Variants in CSNK1D observed in about 807,000 individuals in gnomAD.
CSNK1D encodes casein kinase 1 delta, also known as casein kinase I isoform delta.
CSNK1D carries 16 observed loss-of-function variants against 46.6 expected under a neutral mutation model. The ratio of observed to expected loss-of-function variants is 0.34; its 90% CI spans 0.23 to 0.52. CSNK1D has a LOEUF of 0.52. CSNK1D is among the 20% of genes least tolerant of loss of function. CSNK1D has a pLI of 0.95. For missense variants in CSNK1D, 398 were observed against 578.4 expected (o/e 0.69, Z 3.20); for synonymous variants, 276 against 228.2 (o/e 1.21, Z -1.89).
chr17:82,248,858 G>A lies in CSNK1D; in HGVS notation c.1197+17C>T, dbSNP rs759033962. The stretch of plus-strand genomic sequence containing the variant: ...GTAGCCCGAGGCCCAGCGCCCGCCC[G>A]GGAGCTCTGCACCTACCTGTGAGGT... On this transcript the variant is annotated intron_variant, in intron 8 of 8. Coordinates refer to ENST00000314028, the MANE Select transcript of CSNK1D (RefSeq NM_001893.6). This position sits in a 1 kb window ranked among gnomAD's most constrained non-coding sequence, Gnocchi z 4.1. The A allele has an allele frequency of 1.2e-5, 20 of 1,605,638 alleles. No individual in the cohort carries two copies. Among genetic ancestry groups the A allele is most frequent in the Admixed American group, 1.0e-4 (6 of 59,410 alleles).
Position 82,246,327 on chromosome 17 carries a change from C to A in CSNK1D, c.1198-1496G>T, listed in dbSNP as rs183135105. The A allele has an allele frequency of 3.3e-5, 44 of 1,325,014 alleles. No homozygotes were observed. In the Admixed American group the frequency reaches 6.2e-4, roughly 19 times the overall value. 82.1% of individuals were successfully genotyped at this position (1,325,014 alleles called of 1,614,324 possible). On this transcript the variant is annotated intron_variant, in intron 8 of 8. Transcript: ENST00000314028. ...AAGCACTAAGAAAACCTGATCCCAGCAGGATGGCAGGTGCTGGGCAGCCCC... is the reference window on the plus strand; with the variant it reads ...AAGCACTAAGAAAACCTGATCCCAGAAGGATGGCAGGTGCTGGGCAGCCCC...
Position 82,248,558 on chromosome 17 carries a change from G to A in CSNK1D, c.1197+317C>T, listed in dbSNP as rs953771742. On this transcript the variant is annotated intron_variant, in intron 8 of 8. Transcript: ENST00000314028. This position sits in a 1 kb window ranked among gnomAD's most constrained non-coding sequence, Gnocchi z 4.1. The stretch of plus-strand genomic sequence containing the variant: ...GGGCGCAAGCAGGCGAGCGGTGTCA[G>A]CTGCCTGGGGACGGCTGCGGGCAGC... The A allele has an allele frequency of 8.3e-7, 1 of 1,209,182 alleles. No individual in the cohort carries two copies. Among genetic ancestry groups the A allele is most frequent in the Non-Finnish European group, 1.0e-6 (1 of 961,912 alleles). 74.9% of individuals were successfully genotyped at this position (1,209,182 alleles called of 1,614,324 possible).
At chr17:82,258,094 C>G (rs1027166201) in intron 2 of CSNK1D, among the ~76,000 whole-genome samples, 5 of 151,082 alleles carry the variant, frequency 3.3e-5, no homozygotes, top group African/African-American at 1.2e-4. Context: ...ACAGTCCCAG[C>G]TACTCGGGAG....
chr17:82,242,580 C>A, downstream of CSNK1D: 1 of 926,038 alleles, frequency 1.1e-6, no homozygotes, highest in South Asian at 5.0e-5. Context: ...ACAGCCATCT[C>A]AAAGAAGTAT....
chr17:82,273,468 C>A lies in CSNK1D; in HGVS notation c.-87G>T. On this transcript the variant is annotated 5_prime_UTR_variant, in exon 1 of 9. Transcript: ENST00000314028. The surrounding 1 kb of genome is among the most constrained non-coding windows in gnomAD (Gnocchi z 5.1). ...GGCGGCGCCGCTGCTGCCGCTACTG[C>A]GGGTCCGGCTCCCGGCTCCGCCCCC... The A allele has an allele frequency of 1.3e-6, 2 of 1,526,538 alleles. No homozygotes were observed. Among genetic ancestry groups the A allele is most frequent in the Non-Finnish European group, 1.8e-6 (2 of 1,120,984 alleles). The allele number at this position is 1,526,538 out of a possible 1,614,324, so 94.6% of individuals were successfully genotyped here. A position where few individuals can be genotyped will look rare whatever the true frequency, so the allele number is the denominator to read the frequency against.
intron 2 of CSNK1D, among the ~76,000 whole-genome samples, chr17:82,263,637 G>A (rs1227998944): frequency 6.6e-6 from 1 of 152,264 alleles, no homozygotes; most frequent in Non-Finnish European, 1.5e-5. Flanking sequence ...ACCATCCCGG[G>A]CTTCTAAGGA....
chr17:82,247,885 G>C, intron 8 of CSNK1D: 1 of 985,492 alleles, frequency 1.0e-6, no homozygotes, highest in Non-Finnish European at 1.2e-6. Flanking sequence ...TAGTGAATTA[G>C]AAACGTGCAG....
chr17:82,263,564 G>C lies in CSNK1D; in HGVS notation c.187+2122C>G, dbSNP rs533573778. Among the ~76,000 whole-genome samples, 6 of 152,338 alleles carry C rather than the reference G, an allele frequency of 3.9e-5. No individual in the cohort carries two copies. In the South Asian group the frequency reaches 1.2e-3, roughly 32 times the overall value. ...CACCACTACAAATGGCACTAGTGCCGAGTGGAGAAGTCCTGTCCGGAACCA... is the reference window on the plus strand; with the variant it reads ...CACCACTACAAATGGCACTAGTGCCCAGTGGAGAAGTCCTGTCCGGAACCA... On this transcript the variant is annotated intron_variant, in intron 2 of 8. Coordinates refer to ENST00000314028, the MANE Select transcript of CSNK1D (RefSeq NM_001893.6).
intron 2 of CSNK1D, among the ~76,000 whole-genome samples, chr17:82,261,326 G>C (rs140014697): frequency 6.6e-6 from 1 of 152,114 alleles, no homozygotes; most frequent in African/African-American, 2.4e-5. Context: ...GTGCTGTCAC[G>C]GTGGGAAGCG....
intron 8 of CSNK1D, chr17:82,246,452 A>C (rs1369857689): frequency 8.7e-7 from 1 of 1,143,106 alleles, no homozygotes; most frequent in Non-Finnish European, 1.1e-6. Flanking sequence ...GAGTTGATCA[A>C]AGCGAGTCAT....
At chr17:82,240,048 C>G (rs1159859377), downstream of CSNK1D, 1 of 1,233,698 alleles carries the variant, frequency 8.1e-7, no homozygotes, top group Non-Finnish European at 1.0e-6. Context: ...GGAGAGATGC[C>G]ATGTCCCTGC....
In CSNK1D at chr17:82,273,395, C is replaced by A; in HGVS notation, c.-14G>T. The A allele has an allele frequency of 6.2e-7, 1 of 1,610,486 alleles. No homozygotes were observed. Among genetic ancestry groups the A allele is most frequent in the South Asian group, 1.1e-5 (1 of 90,908 alleles). On this transcript the variant is annotated 5_prime_UTR_variant, in exon 1 of 9. Transcript: ENST00000314028. This position sits in a 1 kb window ranked among gnomAD's most constrained non-coding sequence, Gnocchi z 5.1. ...TCTCAGCTCCATGGCGGCGGCGGCCCGATTCGCTCCTGCCCTCCCGGCCGC... is the reference window on the plus strand; with the variant it reads ...TCTCAGCTCCATGGCGGCGGCGGCCAGATTCGCTCCTGCCCTCCCGGCCGC...
chr17:82,273,214 G>T lies in CSNK1D; in HGVS notation c.76+92C>A. The T allele has an allele frequency of 7.7e-7, 1 of 1,294,708 alleles. No individual in the cohort carries two copies. The highest frequency in any genetic ancestry group is 1.3e-5 in the South Asian group (1 of 78,384). The allele number at this position is 1,294,708 out of a possible 1,614,324, so 80.2% of individuals were successfully genotyped here. On this transcript the variant is annotated intron_variant, in intron 1 of 8. Coordinates refer to ENST00000314028, the MANE Select transcript of CSNK1D (RefSeq NM_001893.6). The surrounding 1 kb of genome is among the most constrained non-coding windows in gnomAD (Gnocchi z 5.1). Reference sequence around the variant, plus strand: ...GCCGGGACTTGCGCGGAGACCCCGCGGGGGCCACCACTTCCTTCCGCGATC... The same window carrying T: ...GCCGGGACTTGCGCGGAGACCCCGCTGGGGCCACCACTTCCTTCCGCGATC...
rs1209532905 is a variant in CSNK1D, at chr17:82,252,000, A to T, written c.736+434T>A. Among the ~76,000 whole-genome samples, 1 of 152,182 alleles carries T rather than the reference A, an allele frequency of 6.6e-6. No individual in the cohort carries two copies. The highest frequency in any genetic ancestry group is 1.5e-5 in the Non-Finnish European group (1 of 68,038). On this transcript the variant is annotated intron_variant, in intron 5 of 8. Coordinates refer to ENST00000314028, the MANE Select transcript of CSNK1D (RefSeq NM_001893.6). This position sits in a 1 kb window ranked among gnomAD's most constrained non-coding sequence, Gnocchi z 4.5. ...CAGAGTGAGACTGTGTCTTAAAAAA[A>T]AAAAAGAAGTCATAAAGCACAATTT...
Position 82,249,383 on chromosome 17 carries a change from G to A in CSNK1D, c.1057+48C>T. ...TGTCCCCACCAACCCCAAGACACAA[G>A]AAGTCACCCCAGAGCCAGCCCCAGA... is the stretch of plus-strand genomic sequence containing the variant. On this transcript the variant is annotated intron_variant, in intron 7 of 8. Transcript: ENST00000314028. The surrounding 1 kb of genome is among the most constrained non-coding windows in gnomAD (Gnocchi z 6.7). 3.3e-6 allele frequency: 5 copies of A among 1,524,626 alleles called. No homozygotes were observed. Among genetic ancestry groups the A allele is most frequent in the Non-Finnish European group, 3.5e-6 (4 of 1,136,564 alleles). The allele number at this position is 1,524,626 out of a possible 1,614,324, so 94.4% of individuals were successfully genotyped here.
chr17:82,256,148 C>T (rs1210867085), intron 2 of CSNK1D, among the ~76,000 whole-genome samples: 1 of 152,136 alleles, frequency 6.6e-6, no homozygotes, highest in African/African-American at 2.4e-5. Flanking sequence ...AATAAAGACA[C>T]AATAAATCCA....
At chr17:82,254,082 G>C (rs1277679682) in intron 3 of CSNK1D, 130 of 179,634 alleles carry the variant, frequency 7.2e-4, no homozygotes, top group African/African-American at 4.4e-3. Flanking sequence ...TGAAGCCAGT[G>C]AGCTGAGCCG....
chr17:82,242,593 T>G (rs944958637), downstream of CSNK1D: 1 of 952,468 alleles, frequency 1.0e-6, no homozygotes, highest in African/African-American at 1.8e-5. Flanking sequence ...AGAAGTATTT[T>G]CACACAGTTC....
At chr17:82,245,292 G>A (rs944078353) in intron 8 of CSNK1D, 13 of 295,498 alleles carry the variant, frequency 4.4e-5, no homozygotes, top group African/African-American at 2.2e-4. Context: ...GGAAGGAGCC[G>A]CCGAGCGCGC....
Sources: gnomAD v4.1 joint callset for allele counts (sites outside exome capture counted in the v4.1 genomes callset) on GRCh38, gnomAD v4.1.1 for gene constraint, Gnocchi (gnomAD v3.1) non-coding constraint, MANE v1.5 for transcripts, NCBI Gene and HGNC (gene_info 2026-07-23, HGNC 2026-07-21) for gene names.